Variants in DIPK2B observed in about 807,000 individuals in gnomAD.
DIPK2B encodes the protein divergent protein kinase domain 2B.
A neutral mutation model predicts 22.2 loss-of-function variants in DIPK2B; 15 were observed. The ratio of observed to expected loss-of-function variants is 0.68; its 90% CI spans 0.45 to 1.04. The LOEUF (loss-of-function observed/expected upper bound fraction) is 1.04, where lower values mean the gene tolerates loss of function less well. Ranked by LOEUF, DIPK2B falls within the 50% of genes least tolerant of loss-of-function variation. The pLI is 0.00. For synonymous variants in DIPK2B, 163 were observed against 153.2 expected (o/e 1.06, Z -0.47); for missense variants, 345 against 348.3 (o/e 0.99, Z 0.08).
intron 2 of DIPK2B, among the ~76,000 whole-genome samples, chrX:45,158,993 G>T (rs184642090): frequency 9.0e-6 from 1 of 110,958 alleles, no homozygotes; most frequent in Non-Finnish European, 1.9e-5. Context: ...CCTTTTCCCC[G>T]TAATAGGCCC....
chrX:45,161,337 T>G (rs902847309), intron 2 of DIPK2B, among the ~76,000 whole-genome samples: 1 of 111,988 alleles, frequency 8.9e-6, no homozygotes, highest in Admixed American at 9.5e-5. Flanking sequence ...AGTACAGGAG[T>G]TCGAGACCAG....
chrX:45,199,449 A>C (rs1486697078), intron 1 of DIPK2B, among the ~76,000 whole-genome samples: 2 of 110,950 alleles, frequency 1.8e-5, no homozygotes, highest in African/African-American at 6.6e-5. Context: ...TGGCATGGCA[A>C]TTAAAGACCC....
intron 1 of DIPK2B, among the ~76,000 whole-genome samples, chrX:45,193,452 C>T (rs2047222648): frequency 2.7e-5 from 3 of 111,717 alleles, no homozygotes; most frequent in African/African-American, 9.8e-5. Context: ...TTACCTGACA[C>T]AACTTTACCC....
At chrX:45,177,581 C>T (rs1438462669) in intron 2 of DIPK2B, among the ~76,000 whole-genome samples, 1 of 110,918 alleles carries the variant, frequency 9.0e-6, no homozygotes, top group African/African-American at 3.3e-5. Flanking sequence ...TGAGGCCCCA[C>T]CAGAAGCAGA....
intron 1 of DIPK2B, among the ~76,000 whole-genome samples, chrX:45,195,403 G>C: frequency 9.0e-6 from 1 of 111,595 alleles, no homozygotes; most frequent in Non-Finnish European, 1.9e-5. Context: ...CTCAACATAG[G>C]GTGGGGGTGT....
chrX:45,185,714 G>A lies in DIPK2B; in HGVS notation c.498+6037C>T, dbSNP rs186027469. ...GTTGCCCAGGCTGGAGTGCAGTGGC[G>A]CAGTCTCGGCTCACTGCAACCTCCG... On this transcript the variant is annotated intron_variant, in intron 2 of 4. Coordinates refer to ENST00000398000, the MANE Select transcript of DIPK2B (RefSeq NM_176819.4). Among the ~76,000 whole-genome samples the A allele has an allele frequency of 2.8e-4, 29 of 101,781 alleles. No individual in the cohort carries two copies. The East Asian group carries it at 6.1e-3, about 21-fold the overall frequency. The allele number at this position is 101,781 out of a possible 115,157, so 88.4% of individuals were successfully genotyped here.
In DIPK2B at chrX:45,151,769, TG is replaced by T. The variant is rs752382425; in HGVS notation, c.1184del (p.Pro395GlnfsTer12). On this transcript the variant is annotated frameshift_variant, in exon 5 of 5. Transcript: ENST00000398000. LOFTEE classifies it high-confidence loss of function. ...TGGCGGCCCCAAGGACTTCTGGGTC[TG>T]GGCGGATGCTGTCCCCACACTGAAC... is the stretch of plus-strand genomic sequence containing the variant. ...ILVQCGDSIR[P>X]DPEVLGAASQ... 3.3e-6 allele frequency: 4 copies of T among 1,212,121 alleles called. No homozygotes were observed. Among genetic ancestry groups the T allele is most frequent in the Non-Finnish European group, 4.5e-6 (4 of 895,528 alleles).
At chrX:45,171,629 GC>G (rs2047082307) in intron 2 of DIPK2B, among the ~76,000 whole-genome samples, 1 of 111,303 alleles carries the variant, frequency 9.0e-6, no homozygotes, top group Non-Finnish European at 1.9e-5. Context: ...CCACGTCTTT[GC>G]CCTGCCTGTG....
chrX:45,155,345 C>T (rs900677409), intron 3 of DIPK2B, among the ~76,000 whole-genome samples: 1 of 109,853 alleles, frequency 9.1e-6, no homozygotes, highest in African/African-American at 3.3e-5. Flanking sequence ...ATCACTTGAA[C>T]CCAGGTGGTG....
Position 45,151,879 on chromosome X carries a change from C to T in DIPK2B, c.1075G>A (p.Val359Met), listed in dbSNP as rs775143768. Reference sequence around the variant, plus strand: ...GGCAGCAACTTCTGACACACCAGCACCAGGCTCTGCTTCTCAGAGATGCTT... The same window carrying T: ...GGCAGCAACTTCTGACACACCAGCATCAGGCTCTGCTTCTCAGAGATGCTT... ...CESISEKQSLVLVCQKLLPRL... is the reference protein window; with the variant it reads ...CESISEKQSLMLVCQKLLPRL... Residue 359 changes from valine to methionine, a missense_variant, in exon 5 of 5, where the codon GTG (valine) becomes ATG (methionine). Coordinates refer to ENST00000398000, the MANE Select transcript of DIPK2B (RefSeq NM_176819.4). 1.7e-5 allele frequency: 21 copies of T among 1,209,315 alleles called. No homozygotes were observed. The highest frequency in any genetic ancestry group is 2.3e-5 in the Non-Finnish European group (21 of 894,445).
chrX:45,156,612 A>G (rs1230958741), intron 3 of DIPK2B, among the ~76,000 whole-genome samples: 1 of 111,206 alleles, frequency 9.0e-6, no homozygotes, highest in Non-Finnish European at 1.9e-5. Context: ...TTTGGGTTCT[A>G]TTGCTGACGT....
intron 2 of DIPK2B, among the ~76,000 whole-genome samples, chrX:45,165,768 C>T (rs962815941): frequency 1.8e-5 from 2 of 112,357 alleles, no homozygotes; most frequent in African/African-American, 3.2e-5. Context: ...TTCTCTACTG[C>T]TGCTTCTCCA....
chrX:45,148,640 T>C lies in DIPK2B; in HGVS notation c.*3012A>G, dbSNP rs1415855734. On this transcript the variant is annotated 3_prime_UTR_variant, in exon 5 of 5. Coordinates refer to ENST00000398000, the MANE Select transcript of DIPK2B (RefSeq NM_176819.4). Reference sequence around the variant, plus strand: ...TTCCAGGAGGGCACCAAGTCATTCATGAGGCAACTTCCCCCATCACCCAAT... The same window carrying C: ...TTCCAGGAGGGCACCAAGTCATTCACGAGGCAACTTCCCCCATCACCCAAT... The C allele has an allele frequency of 9.1e-6, 1 of 110,355 alleles. No homozygotes were observed. The allele number at this position is 110,355 out of a possible 1,213,427, so 9.1% of individuals were successfully genotyped here. A position where few individuals can be genotyped will look rare whatever the true frequency, so the allele number is the denominator to read the frequency against.
chrX:45,162,463 C>T (rs2047026945), intron 2 of DIPK2B: 2 of 754,311 alleles, frequency 2.7e-6, no homozygotes, highest in Non-Finnish European at 3.1e-6. Flanking sequence ...GAGGCAGCTC[C>T]TCCCCAAGGT....
intron 2 of DIPK2B, chrX:45,191,475 C>A (rs1388586615): frequency 1.5e-5 from 5 of 341,170 alleles, no homozygotes; most frequent in Non-Finnish European, 2.0e-5. Context: ...CCTGTCAGAT[C>A]TTCAGGCCAG....
intron 2 of DIPK2B, among the ~76,000 whole-genome samples, chrX:45,187,230 C>G (rs2047188114): frequency 8.9e-6 from 1 of 111,925 alleles, no homozygotes; most frequent in Non-Finnish European, 1.9e-5. Flanking sequence ...TGATTAGCCT[C>G]CAGCTGCCTA....
chrX:45,157,856 C>A lies in DIPK2B; in HGVS notation c.531G>T (p.Ser177=). Residue 177 remains serine, a synonymous_variant, in exon 3 of 5, where the codon TCG becomes TCT. Coordinates refer to ENST00000398000, the MANE Select transcript of DIPK2B (RefSeq NM_176819.4). ...GLASPLLRCP[S]QRLLDRVVRR... ...TGACCACGCGATCCAGGAGTCGCTGCGAAGGGCAGCGCAGGAGCGGGCTGG... is the reference window on the plus strand; with the variant it reads ...TGACCACGCGATCCAGGAGTCGCTGAGAAGGGCAGCGCAGGAGCGGGCTGG... 3.4e-6 allele frequency: 4 copies of A among 1,162,060 alleles called. No homozygotes were observed. The highest frequency in any genetic ancestry group is 3.8e-5 in the South Asian group (2 of 52,328).
intron 2 of DIPK2B, among the ~76,000 whole-genome samples, chrX:45,176,037 A>C (rs2047116303): frequency 9.1e-6 from 1 of 109,934 alleles, no homozygotes; most frequent in East Asian, 2.9e-4. Flanking sequence ...CGTAGCCAGG[A>C]GGTCTATGCA....
At chrX:45,167,866 G>A (rs1013279910) in intron 2 of DIPK2B, among the ~76,000 whole-genome samples, 1 of 112,040 alleles carries the variant, frequency 8.9e-6, no homozygotes, top group African/African-American at 3.2e-5. Flanking sequence ...TGTATTTTTA[G>A]TAGAGTCAGG....
Sources: allele counts gnomAD v4.1 joint callset (sites outside exome capture counted in the v4.1 genomes callset), GRCh38; gene constraint gnomAD v4.1.1; transcripts MANE v1.5; gene names NCBI Gene and HGNC (gene_info 2026-07-23, HGNC 2026-07-21).